CNIH3: variants seen among roughly 807,000 people sequenced by gnomAD.
CNIH3 encodes protein cornichon homolog 3.
In CNIH3, 14 loss-of-function variants were observed where a neutral mutation model predicts 24.1. That is an observed-to-expected ratio of 0.58 (90% CI 0.38 to 0.91). The LOEUF (loss-of-function observed/expected upper bound fraction) is 0.91, where lower values mean the gene tolerates loss of function less well. CNIH3 is among the 40% of genes least tolerant of loss of function. The pLI is 0.00. For missense variants in CNIH3, 178 were observed against 196.8 expected (o/e 0.90, Z 0.57); for synonymous variants, 68 against 73.8 (o/e 0.92, Z 0.40).
intron 3 of CNIH3, chr1:224,565,473 G>A (rs1362058246): frequency 6.6e-6 from 1 of 152,230 alleles, no homozygotes; most frequent in African/African-American, 2.4e-5. Context: ...TTTAGAGGTG[G>A]CGAACCCGAC....
At chr1:224,470,340 G>T (rs1676322260) in intron 1 of CNIH3, among the ~76,000 whole-genome samples, 1 of 141,706 alleles carries the variant, frequency 7.1e-6, no homozygotes, top group African/African-American at 2.6e-5. Context: ...TTTTTTAAGA[G>T]GTAGTGTCTC....
At chr1:224,731,435 A>G (rs1420822126) in intron 4 of CNIH3, among the ~76,000 whole-genome samples, 2 of 152,162 alleles carry the variant, frequency 1.3e-5, no homozygotes, top group Non-Finnish European at 2.9e-5. Context: ...GAGGTGGGGG[A>G]ATATCTAAAT....
chr1:224,553,525 G>T (rs1251028780), intron 3 of CNIH3, among the ~76,000 whole-genome samples: 1 of 152,042 alleles, frequency 6.6e-6, no homozygotes, highest in African/African-American at 2.4e-5. Context: ...CTGGGACCCG[G>T]CTGGTTCACC....
chr1:224,461,006 T>C (rs1464687278), intron 1 of CNIH3, among the ~76,000 whole-genome samples: 1 of 151,142 alleles, frequency 6.6e-6, no homozygotes, highest in Admixed American at 6.6e-5. Flanking sequence ...TTTAATTTTT[T>C]CTTTTTTTTT....
chr1:224,645,411 C>T (rs985217475), intron 1 of CNIH3, among the ~76,000 whole-genome samples: 2 of 152,256 alleles, frequency 1.3e-5, no homozygotes, highest in South Asian at 2.1e-4. Flanking sequence ...CTTTCTCCTG[C>T]GCCTCTGTTC....
At chr1:224,734,230 G>C (rs958962160) in intron 4 of CNIH3, among the ~76,000 whole-genome samples, 6 of 152,206 alleles carry the variant, frequency 3.9e-5, no homozygotes, top group Admixed American at 6.5e-5. Flanking sequence ...TGGTGGTATA[G>C]CCCTTTACCT....
intron 3 of CNIH3, among the ~76,000 whole-genome samples, chr1:224,709,262 GCTCTCT>G (rs58979922): frequency 6.6e-6 from 1 of 150,906 alleles, no homozygotes; most frequent in African/African-American, 2.4e-5. Flanking sequence ...ATCTTCTCCT[GCTCTCT>G]CTCTCTCTCT....
At chr1:224,527,379 T>C (rs1209581024) in intron 2 of CNIH3, among the ~76,000 whole-genome samples, 7 of 152,190 alleles carry the variant, frequency 4.6e-5, no homozygotes, top group African/African-American at 1.7e-4. Flanking sequence ...GAAAATACTG[T>C]TTCTTACTGC....
At chr1:224,643,989 C>A (rs1384440531) in intron 1 of CNIH3, among the ~76,000 whole-genome samples, 2 of 152,148 alleles carry the variant, frequency 1.3e-5, no homozygotes, top group East Asian at 3.9e-4. Flanking sequence ...TGGCAGCAAC[C>A]CTGGTGGATC....
Position 224,628,734 on chromosome 1 carries a change from A to G in CNIH3, c.81+11479A>G, listed in dbSNP as rs989592625. 2.2e-4 allele frequency among the ~76,000 whole-genome samples: 34 copies of G among 152,000 alleles called. 1 individual carries two copies. The highest frequency in any genetic ancestry group is 4.9e-4 in the Non-Finnish European group (33 of 68,002). The stretch of plus-strand genomic sequence containing the variant: ...CAGGGCACTCGAAAGTTAACCTGAA[A>G]GGCTGGTTTAGGCCATGAGGGGAAG... On this transcript the variant is annotated intron_variant, in intron 1 of 5. Coordinates refer to ENST00000272133, the MANE Select transcript of CNIH3 (RefSeq NM_152495.2).
Position 224,458,768 on chromosome 1 carries a change from G to A in CNIH3, n.203+23906G>A, listed in dbSNP as rs963017038. ...TCACCATGGGTATCAGACACACTGG[G>A]TAGCTGAGTGCTCAGAGGAAGATGC... On this transcript the variant is annotated intron_variant and non_coding_transcript_variant, in intron 1 of 5. Transcript: ENST00000471578. This position sits in a 1 kb window ranked among gnomAD's most constrained non-coding sequence, Gnocchi z 4.3. 6.6e-6 allele frequency among the ~76,000 whole-genome samples: 1 copy of A among 152,192 alleles called. No homozygotes were observed. The highest frequency in any genetic ancestry group is 2.4e-5 in the African/African-American group (1 of 41,430).
chr1:224,653,804 G>C (rs951218806), intron 1 of CNIH3, among the ~76,000 whole-genome samples: 2 of 152,168 alleles, frequency 1.3e-5, no homozygotes, highest in African/African-American at 4.8e-5. Context: ...TTGAGGCTGG[G>C]CATAGTGGTG....
intron 3 of CNIH3, among the ~76,000 whole-genome samples, chr1:224,724,506 C>A (rs1395641537): frequency 6.6e-6 from 1 of 152,228 alleles, no homozygotes; most frequent in Non-Finnish European, 1.5e-5. Context: ...GAATGATCTC[C>A]ATGCTGGGAA....
chr1:224,594,618 T>C (rs892316738), intron 3 of CNIH3, among the ~76,000 whole-genome samples: 1 of 152,240 alleles, frequency 6.6e-6, no homozygotes, highest in Non-Finnish European at 1.5e-5. Context: ...CCACGGCCTT[T>C]ACTGGGGTTT....
At chr1:224,446,240 G>A (rs1163969170) in intron 1 of CNIH3, among the ~76,000 whole-genome samples, 1 of 64,208 alleles carries the variant, frequency 1.6e-5, no homozygotes, top group Non-Finnish European at 3.0e-5. Flanking sequence ...TGTCAGTATT[G>A]TCTTGGCTAT....
At chr1:224,489,758 T>A (rs988923808) in intron 1 of CNIH3, among the ~76,000 whole-genome samples, 16 of 152,062 alleles carry the variant, frequency 1.1e-4, no homozygotes, top group African/African-American at 3.4e-4. Flanking sequence ...AAACATTGAT[T>A]TTTCGGTGCT....
intron 1 of CNIH3, among the ~76,000 whole-genome samples, chr1:224,438,523 G>C (rs1458288460): frequency 1.3e-5 from 2 of 152,190 alleles, no homozygotes; most frequent in Non-Finnish European, 1.5e-5. Flanking sequence ...ATATCAACTT[G>C]GCACTTAGCA....
intron 3 of CNIH3, among the ~76,000 whole-genome samples, chr1:224,694,284 A>C (rs114158322): frequency 0.041 from 6,178 of 152,286 alleles, 184 homozygotes; most frequent in East Asian, 0.11. Flanking sequence ...TTTTGAGATG[A>C]ATGTGGGGCC....
intron 4 of CNIH3, among the ~76,000 whole-genome samples, chr1:224,576,285 C>T (rs964907457): frequency 6.6e-6 from 1 of 152,148 alleles, no homozygotes. Context: ...TATCCATAAA[C>T]TTTTTACTTT....
Sources: gnomAD v4.1 joint callset for allele counts (sites outside exome capture counted in the v4.1 genomes callset) on GRCh38, gnomAD v4.1.1 for gene constraint, Gnocchi (gnomAD v3.1) non-coding constraint, MANE v1.5 for transcripts, NCBI Gene and HGNC (gene_info 2026-07-23, HGNC 2026-07-21) for gene names.